Variants in THSD7B observed in about 807,000 individuals in gnomAD.
The protein encoded by THSD7B is thrombospondin type-1 domain-containing protein 7B.
In THSD7B, 138 loss-of-function variants were observed where a neutral mutation model predicts 213.6. The observed-to-expected ratio is 0.65, with a 90% confidence interval of 0.56 to 0.74. The LOEUF is 0.74. Ranked by LOEUF, THSD7B falls within the 30% of genes least tolerant of loss-of-function variation. The probability of loss-of-function intolerance (pLI) is 0.00; values close to 1 mark genes in which losing one functional copy is unlikely to be tolerated. For missense variants in THSD7B, 1,931 were observed against 1,991.5 expected (o/e 0.97, Z 0.58); for synonymous variants, 742 against 687.0 (o/e 1.08, Z -1.25).
At chr2:137,320,413 G>T (rs530148482) in intron 12 of THSD7B, among the ~76,000 whole-genome samples, 1 of 152,236 alleles carries the variant, frequency 6.6e-6, no homozygotes, top group Non-Finnish European at 1.5e-5. Flanking sequence ...ATATTGAAAA[G>T]TACAACTATT....
intron 2 of THSD7B, among the ~76,000 whole-genome samples, chr2:137,040,493 A>G (rs1686859288): frequency 2.0e-5 from 3 of 151,504 alleles, no homozygotes; most frequent in South Asian, 2.1e-4. Flanking sequence ...TCCCAGATTC[A>G]AGTGATTCTC....
At chr2:137,622,879 C>G (rs1027006522) in intron 20 of THSD7B, among the ~76,000 whole-genome samples, 5 of 152,196 alleles carry the variant, frequency 3.3e-5, no homozygotes, top group Non-Finnish European at 5.9e-5. Context: ...GATGGATTCA[C>G]AGCCGATTCT....
At chr2:136,790,433 T>G (rs1320109811) in intron 1 of THSD7B, among the ~76,000 whole-genome samples, 1 of 152,110 alleles carries the variant, frequency 6.6e-6, no homozygotes, top group Non-Finnish European at 1.5e-5. Flanking sequence ...AAAGTTGAAG[T>G]AAAATCCTGC....
At chr2:136,783,140 C>G (rs1681774112) in intron 1 of THSD7B, among the ~76,000 whole-genome samples, 1 of 152,210 alleles carries the variant, frequency 6.6e-6, no homozygotes. Context: ...GTAACCTCAT[C>G]ATCCAGCACA....
At chr2:137,398,973 C>T (rs1261546011) in intron 12 of THSD7B, among the ~76,000 whole-genome samples, 1 of 152,162 alleles carries the variant, frequency 6.6e-6, no homozygotes. Context: ...AAGGGAACTC[C>T]CTGACCCCTT....
Position 137,655,752 on chromosome 2 carries a change from A to C in THSD7B, c.4105+92A>C, listed in dbSNP as rs1683224787. On this transcript the variant is annotated intron_variant, in intron 22 of 27. Coordinates refer to ENST00000409968, the MANE Select transcript of THSD7B (RefSeq NM_001316349.2). ...CCTAGAGATGCTCTAGCTCATCAAA[A>C]TTAAAGTTTTTAAATAACTTTAATT... 2.2e-6 allele frequency: 3 copies of C among 1,375,382 alleles called. No homozygotes were observed. The South Asian group carries it at 4.9e-5, about 22-fold the overall frequency. The allele number at this position is 1,375,382 out of a possible 1,614,324, so 85.2% of individuals were successfully genotyped here. A position where few individuals can be genotyped will look rare whatever the true frequency, so the allele number is the denominator to read the frequency against.
Position 137,115,277 on chromosome 2 carries a change from A to AG in THSD7B, c.1353_1354insG (p.Leu452AlafsTer8). On this transcript the variant is annotated frameshift_variant, in exon 5 of 28. Coordinates refer to ENST00000409968, the MANE Select transcript of THSD7B (RefSeq NM_001316349.2). LOFTEE classifies it high-confidence loss of function. ...CCCAGAGCGTACCAGCAGCTGCCGC[A>AG]CTGAGGGCCAAGGAAGGTAGGCAGC... The AG allele has an allele frequency of 1.9e-6, 3 of 1,577,968 alleles. No individual in the cohort carries two copies. Among genetic ancestry groups the AG allele is most frequent in the Non-Finnish European group, 2.6e-6 (3 of 1,163,702 alleles).
intron 15 of THSD7B, among the ~76,000 whole-genome samples, chr2:137,467,623 A>G (rs1047777895): frequency 6.6e-6 from 1 of 152,160 alleles, no homozygotes; most frequent in African/African-American, 2.4e-5. Flanking sequence ...TTTGATACCT[A>G]ATTTGACAAA....
Position 136,875,605 on chromosome 2 carries a change from T to C in THSD7B, c.-35-6539T>C, listed in dbSNP as rs146295059. On this transcript the variant is annotated intron_variant, in intron 1 of 27. Coordinates refer to ENST00000409968, the MANE Select transcript of THSD7B (RefSeq NM_001316349.2). ...GGTTTCTTATTGGCACTAGGCCTTG[T>C]TAGTGATAGCCAGATTATGGGGACC... Among the ~76,000 whole-genome samples, 7 of 152,304 alleles carry C rather than the reference T, an allele frequency of 4.6e-5. No homozygotes were observed. In the East Asian group the frequency reaches 5.8e-4, roughly 13 times the overall value.
At chr2:136,847,698 C>T (rs1479835229) in intron 1 of THSD7B, among the ~76,000 whole-genome samples, 1 of 152,030 alleles carries the variant, frequency 6.6e-6, no homozygotes, top group Admixed American at 6.6e-5. Context: ...CTGTCAGCGC[C>T]CACCAAGGCA....
chr2:136,974,409 C>G (rs529793777), intron 2 of THSD7B, among the ~76,000 whole-genome samples: 90 of 151,974 alleles, frequency 5.9e-4, no homozygotes, highest in Non-Finnish European at 8.4e-4. Context: ...TCCATGTGTT[C>G]TCATTGTTCA....
At position 137,351,584 on chromosome 2, in the gene THSD7B, G is replaced by C. The variant is rs1325276053; in HGVS notation, c.2501-54029G>C. Among the ~76,000 whole-genome samples the C allele has an allele frequency of 1.3e-5, 2 of 151,880 alleles. 1 individual carries two copies. Among genetic ancestry groups the C allele is most frequent in the Non-Finnish European group, 2.9e-5 (2 of 67,922 alleles). ...ATGAAGCAATCGATGAGTGACCCTT[G>C]ATAGAGTTTAGGAAGTAGATAAAAT... On this transcript the variant is annotated intron_variant, in intron 12 of 27. Coordinates refer to ENST00000409968, the MANE Select transcript of THSD7B (RefSeq NM_001316349.2).
chr2:137,396,342 C>T (rs1447042732), intron 12 of THSD7B, among the ~76,000 whole-genome samples: 3 of 140,448 alleles, frequency 2.1e-5, no homozygotes, highest in African/African-American at 7.8e-5. Context: ...TGAATGTGTC[C>T]CAGAGATTCT....
intron 12 of THSD7B, among the ~76,000 whole-genome samples, chr2:137,282,585 G>T (rs1683054160): frequency 6.6e-6 from 1 of 152,088 alleles, no homozygotes; most frequent in Non-Finnish European, 1.5e-5. Context: ...TTTTGTATAA[G>T]GTGTAAGGAA....
At chr2:137,154,286 C>T (rs986770185) in intron 5 of THSD7B, among the ~76,000 whole-genome samples, 1 of 152,058 alleles carries the variant, frequency 6.6e-6, no homozygotes, top group Non-Finnish European at 1.5e-5. Flanking sequence ...CTGTAAGATA[C>T]TTCTTTTTGT....
rs142457007 is a variant in THSD7B at position 137,294,629 on chromosome 2, A to G, written c.2500+18603A>G. Among the ~76,000 whole-genome samples the G allele has an allele frequency of 1.0e-4, 15 of 150,602 alleles. No individual in the cohort carries two copies. The East Asian group carries it at 2.5e-3, about 25-fold the overall frequency. On this transcript the variant is annotated intron_variant, in intron 12 of 27. Coordinates refer to ENST00000409968, the MANE Select transcript of THSD7B (RefSeq NM_001316349.2). ...AGAAAGGGAGAGAGACCACATTCATATAATTTTATTATAGTATATTATTAA... is the reference window on the plus strand; with the variant it reads ...AGAAAGGGAGAGAGACCACATTCATGTAATTTTATTATAGTATATTATTAA...
chr2:137,100,914 G>A (rs1432361500), intron 4 of THSD7B, among the ~76,000 whole-genome samples: 1 of 152,016 alleles, frequency 6.6e-6, no homozygotes, highest in Non-Finnish European at 1.5e-5. Flanking sequence ...GTCTGTCATT[G>A]GTTATGAGGG....
chr2:137,586,486 T>C (rs1284483350), intron 17 of THSD7B, among the ~76,000 whole-genome samples: 1 of 152,218 alleles, frequency 6.6e-6, no homozygotes. Flanking sequence ...GTTGTTCCTT[T>C]CCATGTTTAG....
chr2:137,608,415 A>G (rs1682227695), intron 17 of THSD7B, among the ~76,000 whole-genome samples: 1 of 151,916 alleles, frequency 6.6e-6, no homozygotes, highest in Admixed American at 6.6e-5. Context: ...CACAAGCACC[A>G]GTGCTTTACA....
Sources: gnomAD v4.1 joint callset for allele counts (sites outside exome capture counted in the v4.1 genomes callset) on GRCh38, gnomAD v4.1.1 for gene constraint, MANE v1.5 for transcripts, NCBI Gene and HGNC (gene_info 2026-07-23, HGNC 2026-07-21) for gene names.